Variants in STRN3 observed in about 807,000 individuals in gnomAD.
STRN3 encodes the protein striatin-3.
A neutral mutation model predicts 95.6 loss-of-function variants in STRN3; 29 were observed. The ratio of observed to expected loss-of-function variants is 0.30; its 90% confidence interval spans 0.23 to 0.41. STRN3 has a LOEUF of 0.41. Ranked by LOEUF, STRN3 falls within the 10% of genes least tolerant of loss-of-function variation. The pLI, the probability that STRN3 is intolerant of heterozygous loss-of-function variation, is 1.00. For synonymous variants in STRN3, 331 were observed against 357.6 expected, an observed-to-expected ratio of 0.93 and a Z score of 0.84; for missense variants, 890 against 972.1, an observed-to-expected ratio of 0.92 and a Z score of 1.12.
Position 30,984,361 on chromosome 14 carries a change from G to A in STRN3, c.283-28119C>T, listed in dbSNP as rs1033390531. ...AGAGACTGCAGTGAGCTGAGATCATGCCACTGCACTCCAGCCTGGGCAACA... is the reference window on the plus strand; with the variant it reads ...AGAGACTGCAGTGAGCTGAGATCATACCACTGCACTCCAGCCTGGGCAACA... On this transcript the variant is annotated intron_variant, in intron 1 of 17. Coordinates refer to ENST00000357479, the MANE Select transcript of STRN3 (RefSeq NM_001083893.2). Among the ~76,000 whole-genome samples, 6 of 149,812 alleles carry A rather than the reference G, an allele frequency of 4.0e-5. No individual in the cohort carries two copies. The East Asian group carries it at 1.2e-3, about 30-fold the overall frequency.
rs117665845 is a variant in STRN3 at position 31,019,651 on chromosome 14, G to A, written c.282+6253C>T. Among the ~76,000 whole-genome samples the A allele has an allele frequency of 1.8e-3, 277 of 152,076 alleles. 5 individuals are homozygous for A. The East Asian group carries it at 0.032, about 18-fold the overall frequency. On this transcript the variant is annotated intron_variant, in intron 1 of 17. Coordinates refer to ENST00000357479, the MANE Select transcript of STRN3 (RefSeq NM_001083893.2). The stretch of plus-strand genomic sequence containing the variant: ...AGTACAGAAACAAAAAGCACAGATT[G>A]AATCAGTTACTTCCTTAGATCAGCA...
At chr14:31,020,468 C>T (rs1461646350) in intron 1 of STRN3, among the ~76,000 whole-genome samples, 1 of 151,614 alleles carries the variant, frequency 6.6e-6, no homozygotes, top group Non-Finnish European at 1.5e-5. Flanking sequence ...CACTGTACTC[C>T]AGCCTGAGTG....
rs564964883 is a variant in STRN3, at chr14:30,974,910, C to A, written c.283-18668G>T. 1.4e-4 allele frequency among the ~76,000 whole-genome samples: 22 copies of A among 151,876 alleles called. 1 individual carries two copies. The South Asian group carries it at 4.2e-3, about 29-fold the overall frequency. Reference sequence around the variant, plus strand: ...AAAAATGACACAGACTTGCTTGACACAGAGTTGCCACAAACCTTCAAATTG... The same window carrying A: ...AAAAATGACACAGACTTGCTTGACAAAGAGTTGCCACAAACCTTCAAATTG... On this transcript the variant is annotated intron_variant, in intron 1 of 17. Transcript: ENST00000357479.
chr14:30,922,820 T>G (rs1896918096), intron 8 of STRN3, among the ~76,000 whole-genome samples: 1 of 151,138 alleles, frequency 6.6e-6, no homozygotes, highest in Non-Finnish European at 1.5e-5. Flanking sequence ...AAAAATAACT[T>G]CAGCTGCAAA....
intron 1 of STRN3, 187 bp downstream of exon 1, chr14:31,025,716 CT>C (rs1331174106): frequency 1.2e-5 from 10 of 839,618 alleles, no homozygotes; most frequent in Non-Finnish European, 1.6e-5. Flanking sequence ...GGGGAGCAAG[CT>C]TATGCGGGAA....
chr14:30,950,413 T>C (rs1879580803), intron 4 of STRN3, among the ~76,000 whole-genome samples: 1 of 152,158 alleles, frequency 6.6e-6, no homozygotes, highest in African/African-American at 2.4e-5. Flanking sequence ...CAGAGAAATA[T>C]TTCCAATACA....
At position 30,936,769 on chromosome 14, in the gene STRN3, G is replaced by C. The variant is rs1035283592; in HGVS notation, c.717-145C>G. 3 of 1,020,720 alleles carry C rather than the reference G, an allele frequency of 2.9e-6. No individual in the cohort carries two copies. The African/African-American group carries it at 4.9e-5, about 17-fold the overall frequency. 63.2% of individuals were successfully genotyped at this position (1,020,720 alleles called of 1,614,324 possible). ...CTGAGGGCTTTATTCAAGAAAAGAA[G>C]TTTGAAAGATTTATGTTCTACAACT... is the stretch of plus-strand genomic sequence containing the variant. On this transcript the variant is annotated intron_variant, in intron 5 of 17. Coordinates refer to ENST00000357479, the MANE Select transcript of STRN3 (RefSeq NM_001083893.2).
At chr14:30,968,703 G>A (rs990814093) in intron 1 of STRN3, among the ~76,000 whole-genome samples, 9 of 151,422 alleles carry the variant, frequency 5.9e-5, no homozygotes, top group African/African-American at 1.7e-4. Context: ...AGGTGTTTGC[G>A]GCAAGTCAGA....
chr14:30,998,826 AG>A (rs1882318467), intron 1 of STRN3, among the ~76,000 whole-genome samples: 1 of 152,236 alleles, frequency 6.6e-6, no homozygotes, highest in South Asian at 2.1e-4. Flanking sequence ...ATAGTTTTTT[AG>A]TCAGACACAG....
intron 8 of STRN3, among the ~76,000 whole-genome samples, chr14:30,921,390 A>G (rs117545160): frequency 1.8e-3 from 277 of 152,332 alleles, no homozygotes; most frequent in Non-Finnish European, 3.0e-3. Flanking sequence ...ATTAGGAGAT[A>G]TTATGGAACC....
chr14:30,989,742 G>A (rs1881861993), intron 1 of STRN3, among the ~76,000 whole-genome samples: 1 of 152,110 alleles, frequency 6.6e-6, no homozygotes, highest in South Asian at 2.1e-4. Context: ...ACAGGCGTGA[G>A]CCACCGCGCC....
intron 1 of STRN3, among the ~76,000 whole-genome samples, chr14:30,984,137 A>ACCCCC (rs1555324188): frequency 3.6e-5 from 2 of 56,152 alleles, no homozygotes; most frequent in African/African-American, 1.6e-4. Context: ...GCCCCCCCCA[A>ACCCCC]CCCCCCCCCA....
chr14:30,985,832 G>A (rs1257680251), intron 1 of STRN3, among the ~76,000 whole-genome samples: 1 of 151,926 alleles, frequency 6.6e-6, no homozygotes, highest in Non-Finnish European at 1.5e-5. Context: ...AATATCTTAG[G>A]CTCACATTAA....
At chr14:30,963,105 G>A (rs1880292850) in intron 1 of STRN3, among the ~76,000 whole-genome samples, 1 of 152,120 alleles carries the variant, frequency 6.6e-6, no homozygotes, top group East Asian at 1.9e-4. Context: ...ATGACAAGAA[G>A]ATATTACAAC....
chr14:31,017,131 G>A (rs1390904177), intron 1 of STRN3, among the ~76,000 whole-genome samples: 2 of 152,056 alleles, frequency 1.3e-5, no homozygotes, highest in Admixed American at 6.6e-5. Context: ...TCCAGCCTGG[G>A]TGACAGACTG....
intron 1 of STRN3, among the ~76,000 whole-genome samples, chr14:30,958,893 T>C (rs1201659965): frequency 6.6e-6 from 1 of 152,142 alleles, no homozygotes; most frequent in Non-Finnish European, 1.5e-5. Context: ...TTAGACAATC[T>C]AGTAAAATAG....
intron 5 of STRN3, among the ~76,000 whole-genome samples, chr14:30,944,528 CAT>C (rs775271632): frequency 7.4e-4 from 102 of 137,934 alleles, no homozygotes; most frequent in African/African-American, 1.7e-3. Flanking sequence ...AATATATACA[CAT>C]ATATATACAT....
chr14:31,008,236 G>T (rs547000527), intron 1 of STRN3, among the ~76,000 whole-genome samples: 1 of 151,712 alleles, frequency 6.6e-6, no homozygotes, highest in Non-Finnish European at 1.5e-5. Flanking sequence ...TTGGCTGGGT[G>T]CAGTGGCTTA....
intron 17 of STRN3, 23 bp downstream of exon 17, chr14:30,895,639 C>T: frequency 1.2e-6 from 2 of 1,609,392 alleles, no homozygotes; most frequent in Non-Finnish European, 1.7e-6. Context: ...AGTTTGTGGG[C>T]AGTACAGGAC....
Sources: allele counts gnomAD v4.1 joint callset (sites outside exome capture counted in the v4.1 genomes callset), GRCh38; gene constraint gnomAD v4.1.1; transcripts MANE v1.5; gene names NCBI Gene and HGNC (gene_info 2026-07-23, HGNC 2026-07-21).